STAG1: variants seen among roughly 807,000 people sequenced by gnomAD.
The protein encoded by STAG1 is cohesin subunit SA-1.
A neutral mutation model predicts 170.9 loss-of-function variants in STAG1; 26 were observed. That is an observed-to-expected ratio of 0.15 (90% CI 0.11 to 0.21). The LOEUF (loss-of-function observed/expected upper bound fraction) is 0.21, where lower values mean the gene tolerates loss of function less well. Among genes scored for constraint, STAG1 ranks in the 10% least tolerant of loss-of-function variants. The probability of loss-of-function intolerance (pLI) is 1.00; values close to 1 mark genes in which losing one functional copy is unlikely to be tolerated. For synonymous variants in STAG1, 514 were observed against 497.7 expected (o/e 1.03, Z -0.44); for missense variants, 964 against 1,509.5 (o/e 0.64, Z 5.99).
At chr3:136,633,962 T>TTAAAAAAA (rs1212800689) in intron 1 of STAG1, among the ~76,000 whole-genome samples, 1 of 50,346 alleles carries the variant, frequency 2.0e-5, no homozygotes, top group Non-Finnish European at 4.2e-5. Context: ...TGTCTCTACT[T>TTAAAAAAA]AAAAAAAAAA....
At chr3:136,377,603 T>G in intron 23 of STAG1, 57 bp downstream of exon 23, 1 of 1,393,918 alleles carries the variant, frequency 7.2e-7, no homozygotes, top group South Asian at 1.2e-5. Context: ...ATCTTCTTAA[T>G]GTTCATTAAT....
At chr3:136,725,705 A>T (rs1933625527) in intron 1 of STAG1, among the ~76,000 whole-genome samples, 1 of 152,230 alleles carries the variant, frequency 6.6e-6, no homozygotes, top group Non-Finnish European at 1.5e-5. Flanking sequence ...CCCTGAGAAC[A>T]GATAAGATTT....
chr3:136,668,716 C>G (rs1440392474), intron 1 of STAG1, among the ~76,000 whole-genome samples: 2 of 151,950 alleles, frequency 1.3e-5, no homozygotes, highest in Admixed American at 1.3e-4. Flanking sequence ...ATGGTCAGAC[C>G]GTAGTATCTA....
chr3:136,702,924 TG>T (rs1246899431), intron 1 of STAG1, among the ~76,000 whole-genome samples: 1 of 151,294 alleles, frequency 6.6e-6, no homozygotes, highest in Non-Finnish European at 1.5e-5. Flanking sequence ...AAAAATTAGC[TG>T]GGCATGGTGG....
chr3:136,363,450 A>C lies in STAG1; in HGVS notation c.2703T>G (p.Gly901=). 1 of 1,558,834 alleles carries C rather than the reference A, an allele frequency of 6.4e-7. No homozygotes were observed. The highest frequency in any genetic ancestry group is 8.8e-7 in the Non-Finnish European group (1 of 1,134,934). The change falls in exon 26 of 34, where the codon GGT becomes GGG. Residue 901 remains glycine, a synonymous_variant. Transcript: ENST00000383202. ...TACTCAGTGTTTCCTTAATAATATCACCATAGTCATTGTAATACTGTGAGG... is the reference window on the plus strand; with the variant it reads ...TACTCAGTGTTTCCTTAATAATATCCCCATAGTCATTGTAATACTGTGAGG... ...KHYMKYYNDY[G]DIIKETLSKT... is the part of the protein sequence containing the mutation.
intron 12 of STAG1, among the ~76,000 whole-genome samples, chr3:136,465,218 A>G (rs2089417443): frequency 1.4e-5 from 2 of 139,300 alleles, no homozygotes; most frequent in Non-Finnish European, 3.0e-5. Flanking sequence ...CAATTCTTCT[A>G]CAGCTTTTTT....
chr3:136,703,705 G>C (rs369825239), intron 1 of STAG1, among the ~76,000 whole-genome samples: 1 of 152,006 alleles, frequency 6.6e-6, no homozygotes, highest in East Asian at 1.9e-4. Flanking sequence ...GCTTAAAATC[G>C]ACAATTAAAA....
intron 1 of STAG1, among the ~76,000 whole-genome samples, chr3:136,643,814 G>T (rs1262390379): frequency 6.6e-6 from 1 of 152,126 alleles, no homozygotes; most frequent in Non-Finnish European, 1.5e-5. Flanking sequence ...AAGCCTGAAT[G>T]ATATTCTTGA....
At chr3:136,643,838 ATGTT>A (rs1247911007) in intron 1 of STAG1, among the ~76,000 whole-genome samples, 3 of 152,312 alleles carry the variant, frequency 2.0e-5, no homozygotes, top group Admixed American at 6.5e-5. Context: ...CTGAGGAAAG[ATGTT>A]TGTTTACTTA....
chr3:136,651,268 A>G (rs950950238), intron 1 of STAG1, among the ~76,000 whole-genome samples: 1 of 151,276 alleles, frequency 6.6e-6, no homozygotes, highest in Non-Finnish European at 1.5e-5. Flanking sequence ...TCAGAGGCTG[A>G]GGTGGGAGGA....
chr3:136,629,788 A>T (rs1940254114), intron 2 of STAG1, among the ~76,000 whole-genome samples: 1 of 152,212 alleles, frequency 6.6e-6, no homozygotes, highest in Non-Finnish European at 1.5e-5. Context: ...TATTATATCT[A>T]AACCATTGTT....
intron 3 of STAG1, among the ~76,000 whole-genome samples, chr3:136,615,292 G>T (rs1185225908): frequency 5.9e-5 from 9 of 151,782 alleles, no homozygotes; most frequent in Admixed American, 5.9e-4. Context: ...TTGTGAACAG[G>T]GAAATACAAT....
intron 4 of STAG1, among the ~76,000 whole-genome samples, chr3:136,594,468 A>G (rs1254616001): frequency 6.6e-6 from 1 of 152,192 alleles, no homozygotes; most frequent in African/African-American, 2.4e-5. Flanking sequence ...TCACCTTCAA[A>G]GTCAGTTGTC....
chr3:136,423,134 A>G (rs1417803975), intron 16 of STAG1, 90 bp from the exon 17 acceptor site: 3 of 768,972 alleles, frequency 3.9e-6, no homozygotes, highest in Non-Finnish European at 5.9e-6. Context: ...GGCAAATAAT[A>G]TAACCACAAA....
intron 6 of STAG1, among the ~76,000 whole-genome samples, chr3:136,540,339 G>C (rs936261952): frequency 1.3e-5 from 2 of 150,726 alleles, no homozygotes; most frequent in African/African-American, 2.4e-5. Context: ...AAAAAAACTA[G>C]AATGGTGATT....
intron 5 of STAG1, among the ~76,000 whole-genome samples, chr3:136,568,422 T>G (rs191589525): frequency 9.6e-4 from 146 of 152,240 alleles, no homozygotes; most frequent in Non-Finnish European, 1.8e-3. Flanking sequence ...TGCTAGCAAC[T>G]AGCACACTTC....
At chr3:136,389,548 C>A (rs955568664) in intron 22 of STAG1, among the ~76,000 whole-genome samples, 19 of 152,094 alleles carry the variant, frequency 1.2e-4, no homozygotes, top group Non-Finnish European at 2.6e-4. Context: ...GAGATGGATT[C>A]TTGCTTTGTC....
chr3:136,712,681 C>T (rs1466360971), intron 1 of STAG1, among the ~76,000 whole-genome samples: 1 of 152,196 alleles, frequency 6.6e-6, no homozygotes, highest in Non-Finnish European at 1.5e-5. Flanking sequence ...AAGAAAAGTT[C>T]AGTAAAACCA....
chr3:136,528,475 C>T (rs1009386859), intron 6 of STAG1, among the ~76,000 whole-genome samples: 1 of 141,278 alleles, frequency 7.1e-6, no homozygotes, highest in Non-Finnish European at 1.5e-5. Context: ...AATAATTCCC[C>T]AGCAACAGAT....
Sources: allele counts gnomAD v4.1 joint callset (sites outside exome capture counted in the v4.1 genomes callset), GRCh38; gene constraint gnomAD v4.1.1; transcripts MANE v1.5; gene names NCBI Gene and HGNC (gene_info 2026-07-23, HGNC 2026-07-21).